Variants in NEIL3 observed in about 807,000 individuals in gnomAD.
NEIL3 encodes endonuclease 8-like 3.
In NEIL3, 48 loss-of-function variants were observed where a neutral mutation model predicts 57.5. That is an observed-to-expected ratio of 0.83 (90% CI 0.66 to 1.06). The LOEUF (loss-of-function observed/expected upper bound fraction) is 1.06, where lower values mean the gene tolerates loss of function less well. Ranked by LOEUF, NEIL3 falls within the 50% of genes least tolerant of loss-of-function variation. The pLI is 0.00. For synonymous variants in NEIL3, 261 were observed against 253.2 expected, an observed-to-expected ratio of 1.03 and a Z score of -0.29; for missense variants, 717 against 739.1, an observed-to-expected ratio of 0.97 and a Z score of 0.35.
chr4:177,356,577 A>G (rs538677924), intron 8 of NEIL3, among the ~76,000 whole-genome samples: 1 of 152,350 alleles, frequency 6.6e-6, no homozygotes, highest in South Asian at 2.1e-4. Context: ...GCCTAGCAGA[A>G]GCTCACAACA....
chr4:177,324,766 TA>T (rs1734747340), intron 2 of NEIL3, among the ~76,000 whole-genome samples: 1 of 152,146 alleles, frequency 6.6e-6, no homozygotes, highest in Non-Finnish European at 1.5e-5. Flanking sequence ...AAGTGTAAAG[TA>T]ATACATTCTC....
chr4:177,331,045 G>T lies in NEIL3; in HGVS notation c.279-4643G>T, dbSNP rs1049175560. On this transcript the variant is annotated intron_variant, in intron 2 of 9. Coordinates refer to ENST00000264596, the MANE Select transcript of NEIL3 (RefSeq NM_018248.3). ...ATATATTACCTAACAAATTTATGTCGATGAATTCAACAACTAAAATAAATG... is the reference window on the plus strand; with the variant it reads ...ATATATTACCTAACAAATTTATGTCTATGAATTCAACAACTAAAATAAATG... Among the ~76,000 whole-genome samples, 3 of 152,024 alleles carry T rather than the reference G, an allele frequency of 2.0e-5. No individual in the cohort carries two copies. The East Asian group carries it at 5.8e-4, about 29-fold the overall frequency.
chr4:177,336,679 C>G (rs969192546), intron 4 of NEIL3, among the ~76,000 whole-genome samples: 2 of 152,178 alleles, frequency 1.3e-5, no homozygotes, highest in African/African-American at 4.8e-5. Flanking sequence ...CAAAAGGAAA[C>G]AAGGCTTTTG....
intron 1 of NEIL3, among the ~76,000 whole-genome samples, chr4:177,310,818 T>C (rs1734462273): frequency 6.6e-6 from 1 of 152,238 alleles, no homozygotes; most frequent in African/African-American, 2.4e-5. Flanking sequence ...GTATGGATGA[T>C]TGTATTTCAT....
intron 2 of NEIL3, 111 bp from the exon 3 acceptor site, chr4:177,335,577 C>T: frequency 1.1e-6 from 1 of 920,200 alleles, no homozygotes; most frequent in South Asian, 1.6e-5. Context: ...AAGTGTCTAT[C>T]CTGACTAACA....
intron 2 of NEIL3, among the ~76,000 whole-genome samples, chr4:177,334,301 A>G (rs1233953256): frequency 6.6e-6 from 1 of 152,182 alleles, no homozygotes; most frequent in Non-Finnish European, 1.5e-5. Context: ...CAATTATAAT[A>G]TCTATTTAAT....
At chr4:177,325,129 A>G (rs1734757435) in intron 2 of NEIL3, among the ~76,000 whole-genome samples, 1 of 152,170 alleles carries the variant, frequency 6.6e-6, no homozygotes, top group African/African-American at 2.4e-5. Flanking sequence ...AATGCCTTAT[A>G]CATGATTGAT....
At chr4:177,317,921 A>G (rs17090613) in intron 1 of NEIL3, among the ~76,000 whole-genome samples, 2,687 of 152,234 alleles carry the variant, frequency 0.018, 85 homozygotes, top group African/African-American at 0.058. Context: ...AATCTCTGAT[A>G]GATGACAGTA....
intron 7 of NEIL3, among the ~76,000 whole-genome samples, chr4:177,352,487 A>G (rs1735376970): frequency 6.6e-6 from 1 of 152,160 alleles, no homozygotes; most frequent in Admixed American, 6.5e-5. Context: ...GTATTATAGT[A>G]CAGATTCCAA....
intron 2 of NEIL3, among the ~76,000 whole-genome samples, chr4:177,332,853 G>A (rs1239762005): frequency 3.9e-5 from 6 of 152,116 alleles, no homozygotes; most frequent in Non-Finnish European, 7.4e-5. Context: ...TTTCCATGGC[G>A]GGGCTTGTCA....
chr4:177,316,683 A>G (rs184452751), intron 1 of NEIL3, among the ~76,000 whole-genome samples: 42 of 152,226 alleles, frequency 2.8e-4, no homozygotes, highest in Admixed American at 2.2e-3. Context: ...TAATCCCACA[A>G]ATGTGCACTG....
At chr4:177,363,347 G>C (rs1735648153), downstream of NEIL3, among the ~76,000 whole-genome samples, 1 of 152,182 alleles carries the variant, frequency 6.6e-6, no homozygotes, top group Admixed American at 6.5e-5. Flanking sequence ...AGCTATAGAA[G>C]TTAACAGCAT....
intron 6 of NEIL3, among the ~76,000 whole-genome samples, chr4:177,345,124 T>C (rs1735187210): frequency 6.6e-6 from 1 of 152,120 alleles, no homozygotes. Flanking sequence ...ATGGAAGTGT[T>C]GTAAAGGGAC....
chr4:177,365,376 G>T (rs1735679858), downstream of NEIL3, among the ~76,000 whole-genome samples: 1 of 152,152 alleles, frequency 6.6e-6, no homozygotes, highest in African/African-American at 2.4e-5. Context: ...GAATAAGTGG[G>T]TTGGAAAATG....
At chr4:177,362,997 G>A (rs1042410681), downstream of NEIL3, 2 of 152,152 alleles carry the variant, frequency 1.3e-5, no homozygotes, top group Non-Finnish European at 2.9e-5. Flanking sequence ...AGAGGCTGGG[G>A]CTATGCCAAA....
At chr4:177,363,190 C>T (rs1735645291), downstream of NEIL3, among the ~76,000 whole-genome samples, 1 of 152,124 alleles carries the variant, frequency 6.6e-6, no homozygotes, top group Non-Finnish European at 1.5e-5. Context: ...ATGATTGTTC[C>T]TCCTCGATAA....
At chr4:177,322,397 A>C in intron 1 of NEIL3, 62 bp from the exon 2 acceptor site, 1 of 1,602,998 alleles carries the variant, frequency 6.2e-7, no homozygotes, top group African/African-American at 1.3e-5. Flanking sequence ...AGAATTAAAT[A>C]ATGCTTTTGC....
chr4:177,310,970 T>C (rs1321559078), intron 1 of NEIL3, among the ~76,000 whole-genome samples: 2 of 152,166 alleles, frequency 1.3e-5, no homozygotes, highest in Non-Finnish European at 2.9e-5. Context: ...TCTAAGAAAA[T>C]ATATTTTCAA....
At chr4:177,344,770 C>G (rs1269402786) in intron 6 of NEIL3, among the ~76,000 whole-genome samples, 1 of 152,134 alleles carries the variant, frequency 6.6e-6, no homozygotes, top group Non-Finnish European at 1.5e-5. Context: ...CCATGTGGGC[C>G]AGGCTGGTCT....
Sources: gnomAD v4.1 joint callset for allele counts (sites outside exome capture counted in the v4.1 genomes callset) on GRCh38, gnomAD v4.1.1 for gene constraint, MANE v1.5 for transcripts, NCBI Gene and HGNC (gene_info 2026-07-23, HGNC 2026-07-21) for gene names.